Variants in APOM observed in about 807,000 individuals in gnomAD.
APOM encodes apolipoprotein M, also known as NG20-like protein.
Under a neutral mutation model 23.5 loss-of-function variants are expected in APOM, and 24 were observed. That is an observed-to-expected ratio of 1.02 (90% CI 0.74 to 1.44). The LOEUF is 1.44. Ranked by LOEUF, APOM falls within the 40% of genes most tolerant of loss-of-function variation. APOM has a pLI of 0.00. For synonymous variants in APOM, 82 were observed against 84.1 expected (o/e 0.97, Z 0.14); for missense variants, 200 against 233.2 (o/e 0.86, Z 0.93).
chr6:31,655,143 G>A (rs1160747669), upstream of APOM, among the ~76,000 whole-genome samples: 2 of 152,184 alleles, frequency 1.3e-5, no homozygotes, highest in Non-Finnish European at 2.9e-5. Context: ...GTTTTGCCAT[G>A]TAGCCCAGGC....
At chr6:31,653,141 G>T (rs1356246335), upstream of APOM, among the ~76,000 whole-genome samples, 1 of 152,272 alleles carries the variant, frequency 6.6e-6, no homozygotes, top group African/African-American at 2.4e-5. Context: ...GACATGACAC[G>T]TTTTAGGAAA....
At chr6:31,655,294 A>G (rs1351083206), upstream of APOM, among the ~76,000 whole-genome samples, 4 of 152,248 alleles carry the variant, frequency 2.6e-5, no homozygotes, top group Non-Finnish European at 5.9e-5. Context: ...CCTCTCTAAC[A>G]GCCAGATTAC....
chr6:31,652,610 C>G (rs1340561340), upstream of APOM: 1 of 152,412 alleles, frequency 6.6e-6, no homozygotes, highest in Non-Finnish European at 1.5e-5. Context: ...AGCCGAGCAC[C>G]CCGAGGAGCC....
intron 1 of APOM, 94 bp downstream of exon 1, chr6:31,656,174 G>A (rs908370324): frequency 9.9e-7 from 1 of 1,011,784 alleles, no homozygotes. Flanking sequence ...GGGAAAGGAA[G>A]AGAGGAAGGG....
rs763529245 is a variant in APOM, at chr6:31,657,320, C to T, written c.343+22C>T. On this transcript the variant is annotated intron_variant, in intron 3 of 5. Transcript: ENST00000375916. ...GAAGGTTGGTTCTTCCCAGCCCTCA[C>T]CCTCCCTTGAGTTTGGTTCTGCATC... The T allele has an allele frequency of 3.1e-6, 5 of 1,612,926 alleles. No individual in the cohort carries two copies. The African/African-American group carries it at 5.3e-5, about 17-fold the overall frequency.
At chr6:31,654,949 T>G (rs1350334296), upstream of APOM, among the ~76,000 whole-genome samples, 2 of 152,080 alleles carry the variant, frequency 1.3e-5, no homozygotes, top group Non-Finnish European at 2.9e-5. Flanking sequence ...GGGTTGGTGG[T>G]GTTTTGTTTG....
At position 31,656,047 on chromosome 6, in the gene APOM, T is replaced by A; in HGVS notation, c.81T>A (p.Ser27Arg). The A allele has an allele frequency of 8.2e-6, 13 of 1,583,994 alleles. No individual in the cohort carries two copies. The highest frequency in any genetic ancestry group is 1.1e-5 in the Non-Finnish European group (13 of 1,164,474). ...CCATCTACCAGTGCCCTGAGCACAG[T>A]CAACTGACAACTCTGGGCGTGGATG... ...LNSIYQCPEH[S>R]QLTTLGVDGK... The change falls in exon 1 of 6, where the codon AGT (serine) becomes AGA (arginine). Residue 27 changes from serine to arginine, a missense_variant. Physicochemically the swap from Ser to Arg is moderately radical, Grantham distance 110. Coordinates refer to ENST00000375916, the MANE Select transcript of APOM (RefSeq NM_019101.3).
At position 31,655,993 on chromosome 6, in the gene APOM, G is replaced by C. The variant is rs756801161; in HGVS notation, c.27G>C (p.Leu9=). The C allele has an allele frequency of 1.9e-6, 3 of 1,600,894 alleles. No homozygotes were observed. The highest frequency in any genetic ancestry group is 3.3e-4 in the Middle Eastern group (2 of 6,010). The change falls in exon 1 of 6, where the codon CTG becomes CTC. Residue 9 remains leucine, a synonymous_variant. Transcript: ENST00000375916. MFHQIWAA[L]LYFYGIILNS... The stretch of plus-strand genomic sequence containing the variant: ...TGTTCCACCAAATTTGGGCAGCTCT[G>C]CTCTACTTCTATGGTATTATCCTTA...
chr6:31,655,450 T>C (rs1322578610), upstream of APOM: 1 of 152,854 alleles, frequency 6.5e-6, no homozygotes, highest in Non-Finnish European at 1.5e-5. Flanking sequence ...TTTACCAAGT[T>C]GTATTGCAAT....
intron 3 of APOM, 24 bp downstream of exon 3, chr6:31,657,322 C>T (rs1376647901): frequency 6.2e-7 from 1 of 1,612,946 alleles, no homozygotes; most frequent in Non-Finnish European, 8.5e-7. Context: ...AGCCCTCACC[C>T]TCCCTTGAGT....
chr6:31,656,178 G>A (rs1800029509), intron 1 of APOM, 98 bp downstream of exon 1: 1 of 987,366 alleles, frequency 1.0e-6, no homozygotes, highest in South Asian at 1.5e-5. Context: ...AAGGAAGAGA[G>A]GAAGGGGGTG....
chr6:31,656,884 C>T (rs534822736), intron 2 of APOM, among the ~76,000 whole-genome samples: 17 of 152,266 alleles, frequency 1.1e-4, no homozygotes, highest in African/African-American at 4.1e-4. Flanking sequence ...TGGTGGCTCA[C>T]GCCTGTAATC....
rs774039523 is a variant in APOM at position 31,656,462 on chromosome 6, G to C, written c.115-10G>C. ...CCCACCCTCTTTTGCTCCCTTCATTGTCTCTCCAGTTCCCAGAGGTCCACT... is the reference window on the plus strand; with the variant it reads ...CCCACCCTCTTTTGCTCCCTTCATTCTCTCTCCAGTTCCCAGAGGTCCACT... On this transcript the variant is annotated splice_polypyrimidine_tract_variant and intron_variant, in intron 1 of 5. Coordinates refer to ENST00000375916, the MANE Select transcript of APOM (RefSeq NM_019101.3). 14 of 1,613,016 alleles carry C rather than the reference G, an allele frequency of 8.7e-6. No individual in the cohort carries two copies. Among genetic ancestry groups the C allele is most frequent in the Admixed American group, 1.7e-5 (1 of 59,920 alleles).
upstream of APOM, among the ~76,000 whole-genome samples, chr6:31,653,777 G>T (rs910559101): frequency 2.6e-5 from 4 of 152,064 alleles, no homozygotes; most frequent in African/African-American, 9.7e-5. Flanking sequence ...TGCCTCCCGA[G>T]CCCAACCGAT....
At chr6:31,655,577 T>A (rs1799953864), upstream of APOM, 1 of 158,210 alleles carries the variant, frequency 6.3e-6, no homozygotes, top group African/African-American at 2.4e-5. Flanking sequence ...AACTGGGACT[T>A]GGGATTCAAA....
chr6:31,654,234 G>A (rs1441163160), upstream of APOM, among the ~76,000 whole-genome samples: 2 of 128,078 alleles, frequency 1.6e-5, no homozygotes, highest in Admixed American at 1.7e-4. Flanking sequence ...AACAGAACGA[G>A]ACTCCCATCT....
rs1277203590 is a variant in APOM, at chr6:31,657,773, T to C, written c.541+50T>C. On this transcript the variant is annotated intron_variant, in intron 5 of 5. Coordinates refer to ENST00000375916, the MANE Select transcript of APOM (RefSeq NM_019101.3). ...CAGGATTAGGACTCACCAAGTCTTC[T>C]GGTGTTACAGGGTGAAAGAGGCTCG... 13 of 1,512,888 alleles carry C rather than the reference T, an allele frequency of 8.6e-6. No individual in the cohort carries two copies. In the East Asian group the frequency reaches 2.7e-4, roughly 31 times the overall value. The allele number at this position is 1,512,888 out of a possible 1,614,324, so 93.7% of individuals were successfully genotyped here.
Position 31,657,684 on chromosome 6 carries a change from C to T in APOM, c.502C>T (p.Leu168=), listed in dbSNP as rs748583362. The change falls in exon 5 of 6, where the codon CTG becomes TTG. Residue 168 remains leucine (L), a synonymous_variant. Transcript: ENST00000375916. ...VEEFKSLTSC[L]DSKAFLLTPR... is the part of the protein sequence containing the mutation. ...GGAATTCAAGTCCCTGACTTCCTGC[C>T]TGGACTCCAAAGCCTTCTTATTGAC... 1 of 1,613,188 alleles carries T rather than the reference C, an allele frequency of 6.2e-7. No homozygotes were observed. The highest frequency in any genetic ancestry group is 8.5e-7 in the Non-Finnish European group (1 of 1,179,998).
At position 31,655,960 on chromosome 6, in the gene APOM, C is replaced by T; in HGVS notation, c.-7C>T. On this transcript the variant is annotated 5_prime_UTR_variant, in exon 1 of 6. Coordinates refer to ENST00000375916, the MANE Select transcript of APOM (RefSeq NM_019101.3). The stretch of plus-strand genomic sequence containing the variant: ...CACACAGAGCACCAGCTCCCTCCTG[C>T]CTGAAGATGTTCCACCAAATTTGGG... The T allele has an allele frequency of 1.3e-6, 2 of 1,577,848 alleles. No homozygotes were observed. The highest frequency in any genetic ancestry group is 1.7e-6 in the Non-Finnish European group (2 of 1,157,588).
Sources: gnomAD v4.1 joint callset for allele counts (sites outside exome capture counted in the v4.1 genomes callset) on GRCh38, gnomAD v4.1.1 for gene constraint, MANE v1.5 for transcripts, NCBI Gene and HGNC (gene_info 2026-07-23, HGNC 2026-07-21) for gene names.